NRG1: variants seen among roughly 807,000 people sequenced by gnomAD.
NRG1 encodes pro-neuregulin-1, membrane-bound isoform.
In NRG1, 18 loss-of-function variants were observed where a neutral mutation model predicts 63.8. The ratio of observed to expected loss-of-function variants is 0.28; its 90% confidence interval spans 0.19 to 0.42. The LOEUF (loss-of-function observed/expected upper bound fraction) is 0.42. Ranked by LOEUF, NRG1 falls within the 10% of genes least tolerant of loss-of-function variation. The pLI, the probability that NRG1 is intolerant of heterozygous loss-of-function variation, is 1.00. For missense variants in NRG1, 762 were observed against 814.7 expected, an observed-to-expected ratio of 0.94 and a Z score of 0.79; for synonymous variants, 302 against 301.3, an observed-to-expected ratio of 1.00 and a Z score of -0.02.
chr8:32,497,956 TG>T (rs927747897), intron 1 of NRG1, among the ~76,000 whole-genome samples: 41 of 152,138 alleles, frequency 2.7e-4, no homozygotes, highest in African/African-American at 9.7e-4. Context: ...ACCAAGTAGC[TG>T]GGATTACAGA....
At chr8:31,859,259 A>T (rs1448140964) in intron 1 of NRG1, among the ~76,000 whole-genome samples, 1 of 152,218 alleles carries the variant, frequency 6.6e-6, no homozygotes, top group South Asian at 2.1e-4. Context: ...AAGTGCCTTG[A>T]GTATATGAAG....
chr8:32,510,956 T>A (rs1294091326), intron 1 of NRG1, among the ~76,000 whole-genome samples: 1 of 54,550 alleles, frequency 1.8e-5, no homozygotes, highest in Non-Finnish European at 4.2e-5. Context: ...CTTTCTTTCC[T>A]TTTTTTTTTT....
At chr8:32,258,021 C>A (rs893640485) in intron 1 of NRG1, among the ~76,000 whole-genome samples, 1 of 152,154 alleles carries the variant, frequency 6.6e-6, no homozygotes. Flanking sequence ...AACTCTTGCC[C>A]AGTTTATGGT....
intron 1 of NRG1, among the ~76,000 whole-genome samples, chr8:32,362,661 T>C (rs1807376687): frequency 6.6e-6 from 1 of 152,224 alleles, no homozygotes; most frequent in Non-Finnish European, 1.5e-5. Flanking sequence ...AGAGATTCTC[T>C]TCTCAGGAAG....
intron 1 of NRG1, among the ~76,000 whole-genome samples, chr8:32,218,964 G>A (rs2200047): frequency 0.8 from 121,802 of 152,144 alleles, 49,493 homozygotes; most frequent in African/African-American, 0.92. Flanking sequence ...CATTTACCGA[G>A]TATGTATTTT....
chr8:32,078,962 C>A (rs995561939), intron 1 of NRG1, among the ~76,000 whole-genome samples: 11 of 152,130 alleles, frequency 7.2e-5, no homozygotes, highest in African/African-American at 2.7e-4. Flanking sequence ...TAATTTACAG[C>A]AAGAACAATG....
intron 1 of NRG1, among the ~76,000 whole-genome samples, chr8:32,316,202 G>A (rs1349826598): frequency 6.6e-6 from 1 of 152,200 alleles, no homozygotes; most frequent in Non-Finnish European, 1.5e-5. Flanking sequence ...AAGGGACCGG[G>A]CGCGGTGGCT....
chr8:31,903,444 C>T (rs2947405), intron 1 of NRG1, among the ~76,000 whole-genome samples: 214 of 151,824 alleles, frequency 1.4e-3, no homozygotes, highest in African/African-American at 4.8e-3. Context: ...CCACCGCGCC[C>T]GGCCGAGCCT....
intron 1 of NRG1, among the ~76,000 whole-genome samples, chr8:31,900,813 G>T (rs1366746022): frequency 6.6e-6 from 1 of 152,108 alleles, no homozygotes; most frequent in Non-Finnish European, 1.5e-5. Context: ...TGCCATCAGA[G>T]AAACTGCTTC....
chr8:32,166,520 G>A (rs534527792), intron 1 of NRG1, among the ~76,000 whole-genome samples: 9 of 152,266 alleles, frequency 5.9e-5, no homozygotes, highest in South Asian at 2.1e-4. Flanking sequence ...CATCAGAGAA[G>A]CAAAGCTACA....
intron 1 of NRG1, among the ~76,000 whole-genome samples, chr8:32,564,621 A>T (rs1837092133): frequency 6.6e-6 from 1 of 152,240 alleles, no homozygotes; most frequent in Admixed American, 6.5e-5. Context: ...GGTATTAGAT[A>T]AAGCATACAG....
At chr8:31,839,159 T>C (rs1825956577) in intron 1 of NRG1, among the ~76,000 whole-genome samples, 1 of 152,208 alleles carries the variant, frequency 6.6e-6, no homozygotes, top group African/African-American at 2.4e-5. Flanking sequence ...TATTTTAGCC[T>C]TATAACTTTA....
intron 1 of NRG1, among the ~76,000 whole-genome samples, chr8:31,683,866 TAA>T: frequency 6.6e-6 from 1 of 152,116 alleles, no homozygotes; most frequent in Non-Finnish European, 1.5e-5. Context: ...CTCTAAAGTA[TAA>T]AGTTTAAAAA....
At chr8:32,458,702 C>G (rs533481728) in intron 1 of NRG1, among the ~76,000 whole-genome samples, 1 of 152,236 alleles carries the variant, frequency 6.6e-6, no homozygotes, top group African/African-American at 2.4e-5. Context: ...CAGCAGTTAT[C>G]TATGTGAAAC....
chr8:32,526,145 T>C (rs1206788893), intron 1 of NRG1, among the ~76,000 whole-genome samples: 1 of 152,116 alleles, frequency 6.6e-6, no homozygotes, highest in African/African-American at 2.4e-5. Context: ...CTTTAGAGTC[T>C]CTCACAAGGC....
intron 1 of NRG1, among the ~76,000 whole-genome samples, chr8:31,700,484 T>C (rs1217142923): frequency 6.6e-6 from 1 of 152,198 alleles, no homozygotes; most frequent in Non-Finnish European, 1.5e-5. Context: ...CATTTGCTGC[T>C]GAACAGCTGT....
chr8:31,767,366 T>C (rs926718645), intron 1 of NRG1, among the ~76,000 whole-genome samples: 1 of 152,230 alleles, frequency 6.6e-6, no homozygotes, highest in African/African-American at 2.4e-5. Context: ...TAGAGTCCTA[T>C]GCTCCTTTAA....
intron 1 of NRG1, among the ~76,000 whole-genome samples, chr8:31,991,889 A>G (rs1305849922): frequency 2.6e-5 from 4 of 152,096 alleles, no homozygotes; most frequent in East Asian, 1.9e-4. Flanking sequence ...TACAATTTTT[A>G]TCAAGGGAAA....
At chr8:32,144,748 C>G (rs889474095) in intron 1 of NRG1, among the ~76,000 whole-genome samples, 1 of 152,142 alleles carries the variant, frequency 6.6e-6, no homozygotes, top group Non-Finnish European at 1.5e-5. Flanking sequence ...AAGTTCATTA[C>G]ACTTAAAATA....
Sources: gnomAD v4.1 joint callset for allele counts (sites outside exome capture counted in the v4.1 genomes callset) on GRCh38, gnomAD v4.1.1 for gene constraint, MANE v1.5 for transcripts, NCBI Gene and HGNC (gene_info 2026-07-23, HGNC 2026-07-21) for gene names.